TBC1D1: variants seen among roughly 807,000 people sequenced by gnomAD.
TBC1D1 encodes TBC1 (tre-2/USP6, BUB2, cdc16) domain family, member 1.
Under a neutral mutation model 125.6 loss-of-function variants are expected in TBC1D1, and 89 were observed. The observed-to-expected ratio is 0.71, with a 90% confidence interval of 0.60 to 0.85. The LOEUF is 0.85. TBC1D1 is among the 40% of genes least tolerant of loss of function. TBC1D1 has a pLI of 0.00. For missense variants in TBC1D1, 1,377 were observed against 1,469.2 expected (o/e 0.94, Z 1.03); for synonymous variants, 565 against 564.1 (o/e 1.00, Z -0.02).
intron 12 of TBC1D1, among the ~76,000 whole-genome samples, chr4:38,059,041 G>A (rs547348741): frequency 1.1e-3 from 170 of 152,312 alleles, no homozygotes; most frequent in African/African-American, 3.8e-3. Flanking sequence ...ACTCAGGGAT[G>A]TGTGACTGTT....
chr4:37,986,248 C>T (rs369301822), intron 2 of TBC1D1, among the ~76,000 whole-genome samples: 1 of 152,062 alleles, frequency 6.6e-6, no homozygotes, highest in Non-Finnish European at 1.5e-5. Flanking sequence ...ACACCCAGAG[C>T]GATGAAGTAA....
In TBC1D1 at chr4:38,020,595, T is replaced by C; in HGVS notation, c.977T>C (p.Ile326Thr). Residue 326 changes from isoleucine to threonine, a missense_variant, in exon 5 of 20, where the codon ATC (isoleucine) becomes ACC (threonine). Physicochemically the swap from Ile to Thr is moderately conservative, Grantham distance 89. Transcript: ENST00000261439. ...CTCGTTCTCTCCCTTTGGCAGGGCATCAGACACGTGGACCACTTTGGGTTT... is the reference window on the plus strand; with the variant it reads ...CTCGTTCTCTCCCTTTGGCAGGGCACCAGACACGTGGACCACTTTGGGTTT... 6.2e-7 allele frequency: 1 copy of C among 1,612,544 alleles called. No homozygotes were observed. The highest frequency in any genetic ancestry group is 8.5e-7 in the Non-Finnish European group (1 of 1,178,988).
At chr4:37,942,386 C>T (rs1030922137) in intron 2 of TBC1D1, among the ~76,000 whole-genome samples, 157 of 152,144 alleles carry the variant, frequency 1.0e-3, no homozygotes, top group Non-Finnish European at 1.9e-3. Context: ...GTTAGATCTT[C>T]CTCCATCCCT....
intron 17 of TBC1D1, 90 bp downstream of exon 19, chr4:38,118,282 A>T (rs1763300541): frequency 6.9e-7 from 1 of 1,450,198 alleles, no homozygotes; most frequent in African/African-American, 1.4e-5. Context: ...TCTTATTTTT[A>T]TACCTGTAGC....
intron 1 of TBC1D1, among the ~76,000 whole-genome samples, chr4:37,901,200 A>C (rs1448572127): frequency 5.3e-5 from 8 of 151,958 alleles, no homozygotes; most frequent in Non-Finnish European, 1.2e-4. Flanking sequence ...TCTGTTGTCC[A>C]GACTGGAGTG....
intron 15 of TBC1D1, among the ~76,000 whole-genome samples, chr4:38,106,370 C>G (rs1271032388): frequency 6.6e-6 from 1 of 152,196 alleles, no homozygotes; most frequent in Non-Finnish European, 1.5e-5. Flanking sequence ...CTGGGACCCT[C>G]TGAGCGCAGG....
At chr4:37,987,947 A>T (rs1735789380) in intron 2 of TBC1D1, among the ~76,000 whole-genome samples, 1 of 152,236 alleles carries the variant, frequency 6.6e-6, no homozygotes, top group African/African-American at 2.4e-5. Context: ...TGGATGTTTT[A>T]TCGGCCTATA....
At chr4:38,091,625 T>C (rs1758441840) in intron 13 of TBC1D1, among the ~76,000 whole-genome samples, 1 of 152,220 alleles carries the variant, frequency 6.6e-6, no homozygotes, top group Non-Finnish European at 1.5e-5. Context: ...ATGACAGCCA[T>C]GTAAAATCAG....
At chr4:38,046,627 A>G (rs1361462961) in intron 10 of TBC1D1, among the ~76,000 whole-genome samples, 1 of 151,896 alleles carries the variant, frequency 6.6e-6, no homozygotes, top group African/African-American at 2.4e-5. Context: ...CAACCTTCAC[A>G]CCCCCTTTCA....
rs147420324 is a variant in TBC1D1, at chr4:37,938,471, A to C, written c.417+35959A>C. The stretch of plus-strand genomic sequence containing the variant: ...ACACTTTGATAGGAGACAGTTTTGC[A>C]CAAAGAACAGAGAATGGTTGTTCAA... On this transcript the variant is annotated intron_variant, in intron 2 of 19. Transcript: ENST00000261439. 2.8e-3 allele frequency among the ~76,000 whole-genome samples: 429 copies of C among 152,320 alleles called. 1 individual carries two copies. Among genetic ancestry groups the C allele is most frequent in the African/African-American group, 9.5e-3 (393 of 41,574 alleles).
At chr4:37,968,328 GTCT>G (rs1357291917) in intron 2 of TBC1D1, among the ~76,000 whole-genome samples, 4 of 152,184 alleles carry the variant, frequency 2.6e-5, no homozygotes, top group Non-Finnish European at 5.9e-5. Context: ...TTACCCTGCA[GTCT>G]TCTTAGTATT....
chr4:37,899,964 C>A (rs1199717658), intron 1 of TBC1D1, among the ~76,000 whole-genome samples: 1 of 150,768 alleles, frequency 6.6e-6, no homozygotes, highest in Non-Finnish European at 1.5e-5. Flanking sequence ...ACTAAAGATA[C>A]AAAAGAATTA....
chr4:38,083,221 T>C (rs993731784), intron 12 of TBC1D1, among the ~76,000 whole-genome samples: 1 of 152,214 alleles, frequency 6.6e-6, no homozygotes, highest in Admixed American at 6.5e-5. Context: ...GAGATCACTT[T>C]TGCTTAAAAA....
chr4:37,918,321 A>T lies in TBC1D1; in HGVS notation c.417+15809A>T, dbSNP rs113273750. Among the ~76,000 whole-genome samples the T allele has an allele frequency of 1.7e-3, 266 of 152,366 alleles. 2 individuals are homozygous for T. Among genetic ancestry groups the T allele is most frequent in the African/African-American group, 5.8e-3 (241 of 41,596 alleles). On this transcript the variant is annotated intron_variant, in intron 2 of 19. Coordinates refer to ENST00000261439, the MANE Select transcript of TBC1D1 (RefSeq NM_015173.4). ...TGTTTCATATCAGAAAGTTGTACGTAGCCTTTGTGCTTCATGAAGAAAATA... is the reference window on the plus strand; with the variant it reads ...TGTTTCATATCAGAAAGTTGTACGTTGCCTTTGTGCTTCATGAAGAAAATA...
chr4:38,014,734 A>ACCCCCCCCC lies in TBC1D1; in HGVS notation c.643_644insCCCCCCCCC (p.Asn215delinsThrProProHis). On this transcript the variant is annotated protein_altering_variant, in exon 3 of 20. Transcript: ENST00000261439. The surrounding 1 kb of genome is among the most constrained non-coding windows in gnomAD (Gnocchi z 5.1). ...CCGGGGGTCCGAGAGCCCCCGCCCCAACCCGCCCCATGCCGCGCCCACAGG... is the reference window on the plus strand; with the variant it reads ...CCGGGGGTCCGAGAGCCCCCGCCCCACCCCCCCCCACCCGCCCCATGCCGCGCCCACAGG... 1.2e-6 allele frequency: 1 copy of ACCCCCCCCC among 851,594 alleles called. No homozygotes were observed. The highest frequency in any genetic ancestry group is 1.9e-6 in the Non-Finnish European group (1 of 536,514). The allele number at this position is 851,594 out of a possible 1,614,324, so 52.8% of individuals were successfully genotyped here. A position where few individuals can be genotyped will look rare whatever the true frequency, so the allele number is the denominator to read the frequency against.
intron 11 of TBC1D1, among the ~76,000 whole-genome samples, chr4:38,052,841 A>AT (rs1751011649): frequency 6.6e-6 from 1 of 151,514 alleles, no homozygotes; most frequent in African/African-American, 2.4e-5. Context: ...TAGGGGAATT[A>AT]TTTTTCCCAG....
intron 1 of TBC1D1, among the ~76,000 whole-genome samples, chr4:37,892,899 C>T (rs957967074): frequency 1.3e-5 from 2 of 152,160 alleles, no homozygotes; most frequent in African/African-American, 2.4e-5. Flanking sequence ...CCCTGTCCCC[C>T]ACTTCCCTAG....
At chr4:38,117,404 A>G (rs1282475342) in intron 16 of TBC1D1, among the ~76,000 whole-genome samples, 1 of 152,176 alleles carries the variant, frequency 6.6e-6, no homozygotes, top group Non-Finnish European at 1.5e-5. Context: ...TGCCAGAATC[A>G]TGTCATTCTG....
At chr4:38,024,893 G>T (rs896868679) in intron 6 of TBC1D1, among the ~76,000 whole-genome samples, 4 of 152,302 alleles carry the variant, frequency 2.6e-5, no homozygotes, top group African/African-American at 9.6e-5. Context: ...TAATCAGTAA[G>T]TGTAGTTAAG....
Sources: allele counts gnomAD v4.1 joint callset (sites outside exome capture counted in the v4.1 genomes callset), GRCh38; gene constraint gnomAD v4.1.1; non-coding constraint Gnocchi (gnomAD v3.1); transcripts MANE v1.5; gene names NCBI Gene and HGNC (gene_info 2026-07-23, HGNC 2026-07-21).